EXOC6B: variants seen among roughly 807,000 people sequenced by gnomAD.
EXOC6B encodes the protein exocyst complex component 6B.
In EXOC6B, 54 loss-of-function variants were observed where a neutral mutation model predicts 113.5. That is an observed-to-expected ratio of 0.48 (90% confidence interval 0.38 to 0.60). The LOEUF (loss-of-function observed/expected upper bound fraction) is 0.60. Ranked by LOEUF, EXOC6B falls within the 20% of genes least tolerant of loss-of-function variation. The pLI is 0.00. For missense variants in EXOC6B, 797 were observed against 977.5 expected (o/e 0.82, Z 2.46); for synonymous variants, 357 against 339.0 (o/e 1.05, Z -0.58).
intron 20 of EXOC6B, among the ~76,000 whole-genome samples, chr2:72,272,995 T>G (rs1347172452): frequency 6.6e-6 from 1 of 152,170 alleles, no homozygotes; most frequent in Non-Finnish European, 1.5e-5. Flanking sequence ...GACTCTGCTC[T>G]CCCAGTTACA....
chr2:72,631,389 TATA>T (rs1672381688), intron 6 of EXOC6B, among the ~76,000 whole-genome samples: 1 of 147,234 alleles, frequency 6.8e-6, no homozygotes, highest in African/African-American at 2.5e-5. Context: ...TATGGAGTGA[TATA>T]GTAGTGTGTG....
intron 20 of EXOC6B, among the ~76,000 whole-genome samples, chr2:72,207,803 T>C (rs1679927054): frequency 6.6e-6 from 1 of 152,200 alleles, no homozygotes; most frequent in African/African-American, 2.4e-5. Context: ...CTTTCTATCA[T>C]AAAATACCAT....
intron 20 of EXOC6B, among the ~76,000 whole-genome samples, chr2:72,203,737 G>A (rs141365203): frequency 2.0e-5 from 3 of 152,260 alleles, no homozygotes; most frequent in Admixed American, 6.5e-5. Context: ...ACATTCTCAA[G>A]AGGGCTGCTG....
intron 1 of EXOC6B, among the ~76,000 whole-genome samples, chr2:72,761,406 A>G (rs1046875603): frequency 6.6e-6 from 1 of 152,216 alleles, no homozygotes; most frequent in Admixed American, 6.5e-5. Flanking sequence ...TTACTTCTCC[A>G]AAGCATTGCA....
chr2:72,528,119 C>T (rs1055799914), intron 8 of EXOC6B, among the ~76,000 whole-genome samples: 1 of 151,986 alleles, frequency 6.6e-6, no homozygotes, highest in African/African-American at 2.4e-5. Flanking sequence ...AATTTAAGAA[C>T]TCTGCCTACC....
chr2:72,672,546 CAAAAA>C (rs60924280), intron 6 of EXOC6B, among the ~76,000 whole-genome samples: 3 of 88,556 alleles, frequency 3.4e-5, no homozygotes, highest in Non-Finnish European at 4.7e-5. Context: ...GACTCTGTCT[CAAAAA>C]AAAAAAAAAA....
At chr2:72,317,361 A>G (rs905072523) in intron 20 of EXOC6B, among the ~76,000 whole-genome samples, 6 of 152,042 alleles carry the variant, frequency 3.9e-5, no homozygotes, top group Non-Finnish European at 8.8e-5. Flanking sequence ...AAACATCTCT[A>G]TGCCCTATCA....
chr2:72,457,215 T>C (rs2105381583), intron 18 of EXOC6B, among the ~76,000 whole-genome samples: 1 of 152,240 alleles, frequency 6.6e-6, no homozygotes, highest in South Asian at 2.1e-4. Context: ...TGACAGTTTG[T>C]ACTGACAGTT....
chr2:72,296,686 CAAG>C (rs1392041836), intron 20 of EXOC6B, among the ~76,000 whole-genome samples: 4 of 152,032 alleles, frequency 2.6e-5, no homozygotes, highest in African/African-American at 9.7e-5. Flanking sequence ...AGATGACTGT[CAAG>C]GAGGAGAGAA....
At chr2:72,568,739 G>A (rs192811581) in intron 7 of EXOC6B, among the ~76,000 whole-genome samples, 1 of 152,050 alleles carries the variant, frequency 6.6e-6, no homozygotes, top group Non-Finnish European at 1.5e-5. Flanking sequence ...AAATTGAGGG[G>A]TCCTTCAGAT....
intron 1 of EXOC6B, among the ~76,000 whole-genome samples, chr2:72,821,848 T>C (rs1439985944): frequency 6.6e-6 from 1 of 152,120 alleles, no homozygotes; most frequent in Non-Finnish European, 1.5e-5. Flanking sequence ...TTTTGAGTAA[T>C]GAAAATTTTC....
At chr2:72,418,050 A>G (rs1213121405) in intron 18 of EXOC6B, among the ~76,000 whole-genome samples, 1 of 152,094 alleles carries the variant, frequency 6.6e-6, no homozygotes, top group Non-Finnish European at 1.5e-5. Flanking sequence ...CATATTTTCT[A>G]TCTTACCACA....
Position 72,284,272 on chromosome 2 carries a change from T to C in EXOC6B, c.2196+50675A>G, listed in dbSNP as rs187915345. On this transcript the variant is annotated intron_variant, in intron 20 of 21. Coordinates refer to ENST00000272427, the MANE Select transcript of EXOC6B (RefSeq NM_015189.3). ...TCCAACAATGTATAAAAGAATCGTA[T>C]ACCATAACTAAGTGGGATTTATCCC... Among the ~76,000 whole-genome samples the C allele has an allele frequency of 8.3e-3, 1,264 of 152,228 alleles. 6 individuals carry two copies. The highest frequency in any genetic ancestry group is 0.014 in the Non-Finnish European group (953 of 67,972).
At chr2:72,531,118 T>C (rs532126010) in intron 8 of EXOC6B, among the ~76,000 whole-genome samples, 15 of 152,160 alleles carry the variant, frequency 9.9e-5, no homozygotes, top group South Asian at 2.1e-4. Context: ...TTGTTTTATG[T>C]TCATTCTCTT....
At chr2:72,456,942 A>C (rs761224470) in intron 18 of EXOC6B, among the ~76,000 whole-genome samples, 2 of 151,848 alleles carry the variant, frequency 1.3e-5, no homozygotes, top group Admixed American at 6.6e-5. Context: ...TGAACCTTGA[A>C]GTATGTAAGA....
At chr2:72,792,374 A>T (rs1684722373) in intron 1 of EXOC6B, among the ~76,000 whole-genome samples, 1 of 152,182 alleles carries the variant, frequency 6.6e-6, no homozygotes, top group Non-Finnish European at 1.5e-5. Context: ...TTTTGGGGTT[A>T]TTTTGAAGAT....
intron 6 of EXOC6B, among the ~76,000 whole-genome samples, chr2:72,611,812 TAAAG>T (rs1364768362): frequency 1.3e-5 from 2 of 152,068 alleles, no homozygotes; most frequent in East Asian, 1.9e-4. Context: ...CTGTCAGAAA[TAAAG>T]AAATTATATG....
chr2:72,382,312 T>C (rs1393223292), intron 18 of EXOC6B, among the ~76,000 whole-genome samples: 1 of 152,206 alleles, frequency 6.6e-6, no homozygotes, highest in Non-Finnish European at 1.5e-5. Flanking sequence ...CGCTTGCTTT[T>C]GTCAGCTTTG....
rs1358616990 is a variant in EXOC6B, at chr2:72,379,816, AGGATGTG to A, written c.2028_2034del (p.Thr677Ter). On this transcript the variant is annotated frameshift_variant, in exon 19 of 22. Coordinates refer to ENST00000272427, the MANE Select transcript of EXOC6B (RefSeq NM_015189.3). LOFTEE classifies it high-confidence loss of function. ...TCAGCTTCCAACAAAAGTTGCATCAAGGATGTGGCTAAATGCTTGCAAGCTGACATAC... is the reference window on the plus strand; with the variant it reads ...TCAGCTTCCAACAAAAGTTGCATCAAGCTAAATGCTTGCAAGCTGACATAC... The A allele has an allele frequency of 6.2e-7, 1 of 1,613,298 alleles. No homozygotes were observed. Among genetic ancestry groups the A allele is most frequent in the African/African-American group, 1.3e-5 (1 of 75,066 alleles).
Sources: gnomAD v4.1 joint callset for allele counts (sites outside exome capture counted in the v4.1 genomes callset) on GRCh38, gnomAD v4.1.1 for gene constraint, MANE v1.5 for transcripts, NCBI Gene and HGNC (gene_info 2026-07-23, HGNC 2026-07-21) for gene names.